CRYL1: variants seen among roughly 807,000 people sequenced by gnomAD.
CRYL1 encodes the protein lambda-crystallin homolog.
Under a neutral mutation model 36.6 loss-of-function variants are expected in CRYL1, and 29 were observed. The observed-to-expected ratio is 0.79, with a 90% CI of 0.59 to 1.08. The LOEUF is 1.08. Among genes scored for constraint, CRYL1 ranks in the 50% least tolerant of loss-of-function variants. The pLI, the probability that CRYL1 is intolerant of heterozygous loss-of-function variation, is 0.00. For missense variants in CRYL1, 411 were observed against 407.9 expected (o/e 1.01, Z -0.06); for synonymous variants, 152 against 151.5 (o/e 1.00, Z -0.02).
chr13:20,420,717 G>T (rs372491334), intron 5 of CRYL1, among the ~76,000 whole-genome samples: 3,674 of 29,900 alleles, frequency 0.12, 514 homozygotes, highest in Non-Finnish European at 0.21. Flanking sequence ...GTGTGTGTGT[G>T]TGTGTGTGTG....
intron 2 of CRYL1, among the ~76,000 whole-genome samples, chr13:20,499,301 G>A (rs937891088): frequency 1.4e-4 from 21 of 146,842 alleles, no homozygotes; most frequent in African/African-American, 4.8e-4. Context: ...AGCCAAGATC[G>A]CATCAGTGCA....
At chr13:20,501,219 T>C (rs1417725754) in intron 2 of CRYL1, among the ~76,000 whole-genome samples, 2 of 152,218 alleles carry the variant, frequency 1.3e-5, no homozygotes, top group African/African-American at 4.8e-5. Context: ...GACCAAACTC[T>C]TGGTGTTTTG....
At chr13:20,502,939 A>G (rs1181506054) in intron 2 of CRYL1, among the ~76,000 whole-genome samples, 1 of 152,174 alleles carries the variant, frequency 6.6e-6, no homozygotes, top group Non-Finnish European at 1.5e-5. Context: ...TAGCCCAACC[A>G]TGACTGCTAA....
At chr13:20,513,912 T>TA (rs34147753) in intron 1 of CRYL1, among the ~76,000 whole-genome samples, 2,314 of 103,746 alleles carry the variant, frequency 0.022, 35 homozygotes, top group South Asian at 0.056. Context: ...AAGAAAGTAT[T>TA]AAAAAAAAAA....
chr13:20,487,297 A>G (rs896612560), intron 3 of CRYL1, among the ~76,000 whole-genome samples: 3 of 152,048 alleles, frequency 2.0e-5, no homozygotes, highest in African/African-American at 7.2e-5. Flanking sequence ...TCACAAGTGT[A>G]TTATTACAAA....
intron 2 of CRYL1, among the ~76,000 whole-genome samples, chr13:20,509,042 A>G (rs2033865072): frequency 1.3e-5 from 2 of 151,396 alleles, no homozygotes; most frequent in Non-Finnish European, 2.9e-5. Context: ...AAAAATACCA[A>G]ATTTAACCAG....
At chr13:20,486,990 T>C (rs961172728) in intron 3 of CRYL1, among the ~76,000 whole-genome samples, 3 of 152,174 alleles carry the variant, frequency 2.0e-5, no homozygotes, top group Non-Finnish European at 4.4e-5. Context: ...ATTACCCAAG[T>C]CTATTATAAT....
intron 5 of CRYL1, chr13:20,427,023 T>C (rs960373246): frequency 2.8e-5 from 28 of 985,400 alleles, no homozygotes; most frequent in Non-Finnish European, 3.3e-5. Flanking sequence ...GGGTTGCAGA[T>C]TCATTCCCAG....
At chr13:20,524,261 C>T (rs1376569354) in intron 1 of CRYL1, among the ~76,000 whole-genome samples, 8 of 152,022 alleles carry the variant, frequency 5.3e-5, no homozygotes, top group African/African-American at 1.7e-4. Flanking sequence ...CGCACGCATG[C>T]GTGTAAAAAC....
intron 5 of CRYL1, 24 bp from the exon 6 acceptor site, chr13:20,413,411 T>G: frequency 6.7e-7 from 1 of 1,485,342 alleles, no homozygotes. Context: ...TTGGGCGGCA[T>G]AGATGAGTTT....
intron 3 of CRYL1, among the ~76,000 whole-genome samples, chr13:20,478,683 C>T (rs906214696): frequency 6.6e-6 from 1 of 152,106 alleles, no homozygotes; most frequent in Non-Finnish European, 1.5e-5. Context: ...CACCATGTTG[C>T]TCAGGCTGGT....
chr13:20,454,639 T>C (rs948072034), intron 3 of CRYL1, among the ~76,000 whole-genome samples: 3 of 152,138 alleles, frequency 2.0e-5, no homozygotes, highest in African/African-American at 7.2e-5. Flanking sequence ...CAGGATGGCC[T>C]CCATCTCCTG....
intron 6 of CRYL1, among the ~76,000 whole-genome samples, chr13:20,412,913 T>C (rs2149695): frequency 0.77 from 117,365 of 152,144 alleles, 45,450 homozygotes; most frequent in Admixed American, 0.84. Context: ...GTTAAGTCAG[T>C]CCCCTATCTT....
In CRYL1 at chr13:20,415,723, C is replaced by G. The variant is rs762956417; in HGVS notation, c.634-2336G>C. Among the ~76,000 whole-genome samples the G allele has an allele frequency of 6.6e-6, 1 of 152,244 alleles. No homozygotes were observed. The highest frequency in any genetic ancestry group is 1.5e-5 in the Non-Finnish European group (1 of 68,032). The stretch of plus-strand genomic sequence containing the variant: ...CAGACTCCGCCCGCTTCTAGAGGCC[C>G]GCACCCTGACTCCTGCAATTGCGGC... On this transcript the variant is annotated intron_variant, in intron 5 of 7. Coordinates refer to ENST00000298248, the MANE Select transcript of CRYL1 (RefSeq NM_015974.3). The surrounding 1 kb of genome is among the most constrained non-coding windows in gnomAD (Gnocchi z 4.1).
intron 2 of CRYL1, among the ~76,000 whole-genome samples, chr13:20,507,713 T>C (rs1285382912): frequency 2.6e-5 from 4 of 151,632 alleles, no homozygotes; most frequent in African/African-American, 4.8e-5. Flanking sequence ...GGTCAGGAGA[T>C]CGAGACCATC....
intron 3 of CRYL1, among the ~76,000 whole-genome samples, chr13:20,447,110 T>G (rs1482543123): frequency 6.6e-6 from 1 of 152,202 alleles, no homozygotes; most frequent in Non-Finnish European, 1.5e-5. Context: ...ATCCTACCAG[T>G]AGATGATGAG....
intron 3 of CRYL1, among the ~76,000 whole-genome samples, chr13:20,446,079 A>AG (rs2032446498): frequency 6.6e-6 from 1 of 152,182 alleles, no homozygotes; most frequent in Non-Finnish European, 1.5e-5. Flanking sequence ...AAAACCCAAA[A>AG]TAGTTTTCAG....
chr13:20,430,687 A>T, intron 5 of CRYL1: 1 of 985,368 alleles, frequency 1.0e-6, no homozygotes, highest in Middle Eastern at 5.2e-4. Context: ...GTGGGCTCAC[A>T]CCTTTCATAT....
At chr13:20,520,697 T>G (rs917605286) in intron 1 of CRYL1, among the ~76,000 whole-genome samples, 3 of 152,158 alleles carry the variant, frequency 2.0e-5, no homozygotes, top group Non-Finnish European at 4.4e-5. Context: ...TCATTGCTGA[T>G]TGGACATGGA....
Sources: allele counts gnomAD v4.1 joint callset (sites outside exome capture counted in the v4.1 genomes callset), GRCh38; gene constraint gnomAD v4.1.1; non-coding constraint Gnocchi (gnomAD v3.1); transcripts MANE v1.5; gene names NCBI Gene and HGNC (gene_info 2026-07-23, HGNC 2026-07-21).